The following FRMPD3 variants were observed in gnomAD, a reference collection of about 807,000 sequenced individuals.
FRMPD3 encodes the protein FERM and PDZ domain containing 3, also known as FERM and PDZ domain-containing protein 3.
In FRMPD3, 42 loss-of-function variants were observed where a neutral mutation model predicts 97.9. The ratio of observed to expected loss-of-function variants is 0.43; its 90% CI spans 0.34 to 0.55. FRMPD3 has a LOEUF of 0.55. Ranked by LOEUF, FRMPD3 falls within the 20% of genes least tolerant of loss-of-function variation. The probability of loss-of-function intolerance (pLI) is 0.03; values close to 1 mark genes in which losing one functional copy is unlikely to be tolerated. For synonymous variants in FRMPD3, 577 were observed against 581.1 expected (o/e 0.99, Z 0.10); for missense variants, 1,303 against 1,457.7 (o/e 0.89, Z 1.73).
At chrX:107,585,903 G>GT (rs1923622251) in intron 13 of FRMPD3, among the ~76,000 whole-genome samples, 1 of 111,673 alleles carries the variant, frequency 9.0e-6, no homozygotes, top group African/African-American at 3.2e-5. Flanking sequence ...CTGAAGTTTT[G>GT]TTTTTTTGTT....
chrX:107,496,812 C>T (rs1250820789), intron 1 of FRMPD3, among the ~76,000 whole-genome samples: 1 of 112,172 alleles, frequency 8.9e-6, no homozygotes, highest in African/African-American at 3.2e-5. Flanking sequence ...AAAGCCACAG[C>T]CACCTGAGGT....
chrX:107,579,951 A>T (rs1298000696), intron 13 of FRMPD3, among the ~76,000 whole-genome samples: 1 of 111,917 alleles, frequency 8.9e-6, no homozygotes, highest in African/African-American at 3.2e-5. Context: ...CAGAGTACTA[A>T]AGTAAGACTG....
intron 14 of FRMPD3, among the ~76,000 whole-genome samples, chrX:107,599,956 C>T (rs781582586): frequency 1.3e-4 from 15 of 111,410 alleles, no homozygotes; most frequent in East Asian, 5.6e-4. Flanking sequence ...TTCAACCAAC[C>T]GCAGATCAAA....
At chrX:107,531,664 C>T (rs1922974483) in intron 3 of FRMPD3, among the ~76,000 whole-genome samples, 1 of 111,289 alleles carries the variant, frequency 9.0e-6, no homozygotes, top group Non-Finnish European at 1.9e-5. Flanking sequence ...CCCTAATGAC[C>T]TTTTCTTTGA....
At position 107,597,435 on chromosome X, in the gene FRMPD3, C is replaced by A; in HGVS notation, c.1556C>A (p.Pro519Gln). ...AGGAAATCGAGCCGCTGCACGCCCC[C>A]ACCTGCCGACTCTGAGCTTGTCAGC... ...SPRKSSRCTPPPADSELVSFC... is the reference protein window; with the variant it reads ...SPRKSSRCTPQPADSELVSFC... The change falls in exon 14 of 15, where the codon CCA (proline) becomes CAA (glutamine). Residue 519 changes from proline (P) to glutamine (Q), a missense_variant. By Grantham distance (76) the Pro-to-Gln change is moderately conservative. Transcript: ENST00000683843. 8.3e-7 allele frequency: 1 copy of A among 1,210,909 alleles called. No homozygotes were observed. The highest frequency in any genetic ancestry group is 1.1e-6 in the Non-Finnish European group (1 of 895,347).
In FRMPD3 at chrX:107,449,959, GGAGGAGGAGGAGGAGGAA is replaced by G. The variant is rs1166865597; in HGVS notation, c.-42_-25del. Among the ~76,000 whole-genome samples the G allele has an allele frequency of 1.8e-5, 2 of 110,577 alleles. No homozygotes were observed. Among genetic ancestry groups the G allele is most frequent in the Non-Finnish European group, 3.8e-5 (2 of 52,312 alleles). ...GCCGCGCCGCTGAGGAGGCGGAGGA[GGAGGAGGAGGAGGAGGAA>G]GAGGAGGAGGAAGAGGAGGGGGAGG... On this transcript the variant is annotated 5_prime_UTR_variant, in exon 1 of 15. Coordinates refer to ENST00000683843, the MANE Select transcript of FRMPD3 (RefSeq NM_001388459.1).
Position 107,600,892 on chromosome X carries a change from G to A in FRMPD3, c.2853G>A (p.Val951=), listed in dbSNP as rs745463194. The A allele has an allele frequency of 1.6e-5, 19 of 1,207,933 alleles. No individual in the cohort carries two copies. In the South Asian group the frequency reaches 2.8e-4, roughly 18 times the overall value. ...PKLILDPKSS[V]TPAIISAALQ... ...TTATCCTCGACCCAAAGAGCAGTGT[G>A]ACCCCTGCCATCATCTCGGCCGCCC... Residue 951 remains valine (V), a synonymous_variant, in exon 15 of 15, where the codon GTG becomes GTA. Coordinates refer to ENST00000683843, the MANE Select transcript of FRMPD3 (RefSeq NM_001388459.1).
intron 3 of FRMPD3, among the ~76,000 whole-genome samples, chrX:107,531,344 C>T (rs1012789830): frequency 2.0e-5 from 2 of 99,760 alleles, no homozygotes; most frequent in Non-Finnish European, 4.1e-5. Flanking sequence ...TTCTCTCTCC[C>T]TCTCTCTCTC....
intron 1 of FRMPD3, among the ~76,000 whole-genome samples, chrX:107,481,334 A>G (rs1346902864): frequency 8.9e-6 from 1 of 112,049 alleles, no homozygotes; most frequent in Non-Finnish European, 1.9e-5. Flanking sequence ...AAACAGAGTC[A>G]TTAGGTTGGA....
chrX:107,593,748 G>A (rs982399012), intron 13 of FRMPD3, among the ~76,000 whole-genome samples: 3 of 111,665 alleles, frequency 2.7e-5, no homozygotes, highest in Non-Finnish European at 5.6e-5. Flanking sequence ...TGTTCCATTG[G>A]CCTATGTACC....
chrX:107,593,944 T>C (rs1293008773), intron 13 of FRMPD3, among the ~76,000 whole-genome samples: 3 of 111,959 alleles, frequency 2.7e-5, no homozygotes, highest in East Asian at 2.8e-4. Context: ...GGAATAGCGT[T>C]GAATTTGCAG....
chrX:107,490,297 C>CCCT (rs1921624866), intron 1 of FRMPD3, among the ~76,000 whole-genome samples: 1 of 111,987 alleles, frequency 8.9e-6, no homozygotes, highest in Non-Finnish European at 1.9e-5. Flanking sequence ...GTTCTTTTGG[C>CCCT]TTAGGATTGA....
At chrX:107,494,702 A>G (rs1271227248) in intron 1 of FRMPD3, among the ~76,000 whole-genome samples, 1 of 111,697 alleles carries the variant, frequency 9.0e-6, no homozygotes, top group East Asian at 2.8e-4. Context: ...TATTATTTCC[A>G]TTTTACAGAC....
intron 1 of FRMPD3, among the ~76,000 whole-genome samples, chrX:107,498,206 G>A (rs1042745119): frequency 1.2e-4 from 14 of 112,404 alleles, no homozygotes; most frequent in African/African-American, 4.2e-4. Context: ...GTTTTTGCAC[G>A]CAGGCAGGCT....
At chrX:107,472,942 G>C (rs1172818761) in intron 1 of FRMPD3, among the ~76,000 whole-genome samples, 1 of 112,149 alleles carries the variant, frequency 8.9e-6, no homozygotes, top group Non-Finnish European at 1.9e-5. Context: ...ATAAATGGTA[G>C]CTGCTGTTAC....
intron 13 of FRMPD3, among the ~76,000 whole-genome samples, chrX:107,584,199 G>A (rs1426014909): frequency 9.0e-6 from 1 of 111,025 alleles, no homozygotes; most frequent in African/African-American, 3.3e-5. Context: ...TGTTGTTGTT[G>A]AGCATTTTTT....
chrX:107,475,218 T>C (rs975588774), intron 1 of FRMPD3, among the ~76,000 whole-genome samples: 1 of 111,718 alleles, frequency 9.0e-6, no homozygotes, highest in Non-Finnish European at 1.9e-5. Context: ...CGGGTGTCAG[T>C]AGGTCTTCAT....
intron 5 of FRMPD3, among the ~76,000 whole-genome samples, chrX:107,547,542 C>T (rs892316794): frequency 4.5e-5 from 5 of 111,879 alleles, no homozygotes; most frequent in Non-Finnish European, 9.4e-5. Flanking sequence ...TGACCTCATT[C>T]TCTCGGACAG....
chrX:107,591,815 T>TGTGTACATAGTAGTTGTATATA (rs1473290955), intron 13 of FRMPD3, among the ~76,000 whole-genome samples: 1 of 112,140 alleles, frequency 8.9e-6, no homozygotes, highest in Non-Finnish European at 1.9e-5. Context: ...ACACGAGATG[T>TGTGTACATAGTAGTTGTATATA]TTTGTTACAG....
Sources: allele counts gnomAD v4.1 joint callset (sites outside exome capture counted in the v4.1 genomes callset), GRCh38; gene constraint gnomAD v4.1.1; transcripts MANE v1.5; gene names NCBI Gene and HGNC (gene_info 2026-07-23, HGNC 2026-07-21).